TDRD3: variants seen among roughly 807,000 people sequenced by gnomAD.
TDRD3 encodes tudor domain containing 3.
TDRD3 carries 45 observed loss-of-function variants against 86.7 expected under a neutral mutation model. The ratio of observed to expected loss-of-function variants is 0.52; its 90% CI spans 0.41 to 0.67. The LOEUF is 0.67. Ranked by LOEUF, TDRD3 falls within the 30% of genes least tolerant of loss-of-function variation. The pLI, the probability that TDRD3 is intolerant of heterozygous loss-of-function variation, is 0.00. For synonymous variants in TDRD3, 298 were observed against 301.7 expected, an observed-to-expected ratio of 0.99 and a Z score of 0.13; for missense variants, 814 against 889.0, an observed-to-expected ratio of 0.92 and a Z score of 1.07.
At chr13:60,521,795 G>T (rs1367214365) in intron 10 of TDRD3, among the ~76,000 whole-genome samples, 1 of 152,142 alleles carries the variant, frequency 6.6e-6, no homozygotes, top group Non-Finnish European at 1.5e-5. Context: ...CACTCAGGAG[G>T]CTGAGGCAGG....
intron 5 of TDRD3, 43 bp from the exon 6 acceptor site, chr13:60,483,732 T>C (rs1456314618): frequency 2.6e-6 from 4 of 1,544,568 alleles, no homozygotes; most frequent in Non-Finnish European, 3.5e-6. Context: ...GAAATATATT[T>C]TTTATGTATA....
At chr13:60,557,169 G>A (rs1184218531) in intron 12 of TDRD3, among the ~76,000 whole-genome samples, 3 of 141,606 alleles carry the variant, frequency 2.1e-5, no homozygotes, top group African/African-American at 5.4e-5. Flanking sequence ...TTGTGCCATC[G>A]CACTCCAGCT....
chr13:60,440,572 T>C (rs1955239309), intron 2 of TDRD3, among the ~76,000 whole-genome samples: 1 of 151,948 alleles, frequency 6.6e-6, no homozygotes, highest in South Asian at 2.1e-4. Context: ...TTCCAGCTAC[T>C]CGGGAGGCTG....
At chr13:60,485,401 C>T (rs933950581) in intron 6 of TDRD3, among the ~76,000 whole-genome samples, 3 of 151,952 alleles carry the variant, frequency 2.0e-5, no homozygotes, top group African/African-American at 7.2e-5. Context: ...AACCAATCCA[C>T]ATATGTATAT....
chr13:60,556,911 A>G (rs1197370631), intron 12 of TDRD3, among the ~76,000 whole-genome samples: 1 of 152,194 alleles, frequency 6.6e-6, no homozygotes, highest in Non-Finnish European at 1.5e-5. Flanking sequence ...AAATGTAAAT[A>G]GAAGTTCCAG....
intron 13 of TDRD3, 69 bp downstream of exon 13, chr13:60,567,719 A>G: frequency 6.4e-7 from 1 of 1,572,596 alleles, no homozygotes; most frequent in Non-Finnish European, 8.6e-7. Flanking sequence ...ATATAAGTCC[A>G]ATTAGTGATT....
chr13:60,486,149 C>A (rs763718726), intron 7 of TDRD3, among the ~76,000 whole-genome samples: 5 of 152,134 alleles, frequency 3.3e-5, no homozygotes, highest in Non-Finnish European at 5.9e-5. Flanking sequence ...TTTTCCAGAT[C>A]TCCATGGTAG....
In TDRD3 at chr13:60,525,555, G is replaced by A. The variant is rs190423449; in HGVS notation, c.1142-2812G>A. 2.0e-5 allele frequency among the ~76,000 whole-genome samples: 3 copies of A among 152,180 alleles called. No individual in the cohort carries two copies. The East Asian group carries it at 5.8e-4, about 29-fold the overall frequency. On this transcript the variant is annotated intron_variant, in intron 10 of 13. Coordinates refer to ENST00000377881, the MANE Select transcript of TDRD3 (RefSeq NM_001146070.2). ...ATCTCAGCATAGTAATGGATATGAA[G>A]TATGTTCATTATTAACAAAATTACT...
chr13:60,478,158 G>A (rs538074503), intron 5 of TDRD3, among the ~76,000 whole-genome samples: 1 of 152,136 alleles, frequency 6.6e-6, no homozygotes, highest in East Asian at 1.9e-4. Flanking sequence ...TAGTCTGTGT[G>A]CATAGAGATG....
chr13:60,467,448 C>G, intron 5 of TDRD3, 69 bp downstream of exon 5: 1 of 1,531,916 alleles, frequency 6.5e-7, no homozygotes, highest in Non-Finnish European at 8.8e-7. Flanking sequence ...AGAGCTCTTT[C>G]AATAATGAGT....
At chr13:60,451,901 G>C (rs1310577594) in intron 3 of TDRD3, among the ~76,000 whole-genome samples, 1 of 152,102 alleles carries the variant, frequency 6.6e-6, no homozygotes, top group Non-Finnish European at 1.5e-5. Flanking sequence ...TTGGAGTTTT[G>C]ATTGAAATTG....
rs78572918 is a variant in TDRD3 at position 60,545,068 on chromosome 13, C to A, written c.2118+9835C>A. ...AGCTTTTCAACAAATATTCTGAGTT[C>A]TTTTTGTACCAAAGCTACTTTAGAA... On this transcript the variant is annotated intron_variant, in intron 12 of 13. Coordinates refer to ENST00000377881, the MANE Select transcript of TDRD3 (RefSeq NM_001146070.2). Among the ~76,000 whole-genome samples, 1,196 of 152,168 alleles carry A rather than the reference C, an allele frequency of 7.9e-3. 16 individuals are homozygous for A. The highest frequency in any genetic ancestry group is 0.027 in the African/African-American group (1,134 of 41,512).
intron 10 of TDRD3, among the ~76,000 whole-genome samples, chr13:60,523,573 CTTTTTTTTT>C (rs67692021): frequency 1.9e-5 from 2 of 105,054 alleles, no homozygotes; most frequent in African/African-American, 3.6e-5. Flanking sequence ...ATACATTTTT[CTTTTTTTTT>C]TTTTTTTTTT....
intron 1 of TDRD3, among the ~76,000 whole-genome samples, chr13:60,421,332 A>G (rs1440363850): frequency 6.6e-6 from 1 of 152,194 alleles, no homozygotes; most frequent in Non-Finnish European, 1.5e-5. Flanking sequence ...ACTGCCCTTT[A>G]TAAAACAATC....
chr13:60,485,611 G>A (rs775460997), intron 6 of TDRD3, among the ~76,000 whole-genome samples, 188 bp from the exon 7 acceptor site: 19 of 152,064 alleles, frequency 1.2e-4, no homozygotes, highest in Admixed American at 9.8e-4. Flanking sequence ...TACTAGTTAC[G>A]TTTATTGAAA....
intron 10 of TDRD3, among the ~76,000 whole-genome samples, chr13:60,520,650 A>G (rs142759983): frequency 6.6e-6 from 1 of 152,300 alleles, no homozygotes; most frequent in African/African-American, 2.4e-5. Context: ...GCCTCTGCCC[A>G]TTATAACTAA....
chr13:60,513,039 T>G (rs1957093370), intron 10 of TDRD3, among the ~76,000 whole-genome samples: 1 of 152,234 alleles, frequency 6.6e-6, no homozygotes, highest in African/African-American at 2.4e-5. Flanking sequence ...AGCAAACTTC[T>G]GCCTTGGCAT....
intron 10 of TDRD3, among the ~76,000 whole-genome samples, chr13:60,522,635 G>T (rs1957314446): frequency 6.6e-6 from 1 of 152,146 alleles, no homozygotes; most frequent in Non-Finnish European, 1.5e-5. Flanking sequence ...TCTTTCTTTT[G>T]CTATTTCTAA....
At chr13:60,519,293 A>C (rs966256970) in intron 10 of TDRD3, among the ~76,000 whole-genome samples, 1 of 152,228 alleles carries the variant, frequency 6.6e-6, no homozygotes, top group Non-Finnish European at 1.5e-5. Flanking sequence ...AATTCATTTT[A>C]TCATCTGTAA....
Sources: gnomAD v4.1 joint callset for allele counts (sites outside exome capture counted in the v4.1 genomes callset) on GRCh38, gnomAD v4.1.1 for gene constraint, MANE v1.5 for transcripts, NCBI Gene and HGNC (gene_info 2026-07-23, HGNC 2026-07-21) for gene names.